ADGRV1: variants seen among roughly 807,000 people sequenced by gnomAD.
ADGRV1 encodes G-protein coupled receptor 98.
ADGRV1 carries 359 observed loss-of-function variants against 596.2 expected under a neutral mutation model. That is an observed-to-expected ratio of 0.60 (90% CI 0.55 to 0.66). The LOEUF is 0.66. ADGRV1 is among the 30% of genes least tolerant of loss of function. ADGRV1 has a pLI of 0.00. For synonymous variants in ADGRV1, 2,681 were observed against 2,679.2 expected (o/e 1.00, Z -0.02); for missense variants, 7,274 against 7,575.6 (o/e 0.96, Z 1.48).
intron 78 of ADGRV1, among the ~76,000 whole-genome samples, chr5:90,841,192 T>G (rs775761987): frequency 5.9e-5 from 9 of 152,186 alleles, no homozygotes; most frequent in Admixed American, 6.5e-5. Flanking sequence ...AATCTCAGTC[T>G]TAGGCTTGGA....
At chr5:90,699,725 CACA>C (rs1304773819) in intron 34 of ADGRV1, among the ~76,000 whole-genome samples, 1 of 152,068 alleles carries the variant, frequency 6.6e-6, no homozygotes, top group African/African-American at 2.4e-5. Context: ...TGCTGGGTAC[CACA>C]ACATCTTGGA....
intron 4 of ADGRV1, among the ~76,000 whole-genome samples, 155 bp from the exon 5 acceptor site, chr5:90,622,442 C>T (rs1561401236): frequency 6.6e-6 from 1 of 152,158 alleles, no homozygotes; most frequent in Admixed American, 6.5e-5. Flanking sequence ...CATTTTAAAG[C>T]TATAGTTCAT....
chr5:90,854,888 C>T (rs1766876957), intron 81 of ADGRV1, among the ~76,000 whole-genome samples: 1 of 152,144 alleles, frequency 6.6e-6, no homozygotes, highest in Non-Finnish European at 1.5e-5. Context: ...AACCAACTTT[C>T]CTCAAAAACA....
chr5:90,657,774 C>T (rs1393061833), intron 20 of ADGRV1, 131 bp from the exon 21 acceptor site: 8 of 778,680 alleles, frequency 1.0e-5, no homozygotes, highest in Non-Finnish European at 1.6e-5. Flanking sequence ...TCATTGTATA[C>T]TAGTTATGCA....
intron 87 of ADGRV1, among the ~76,000 whole-genome samples, chr5:91,117,156 C>T (rs1384132332): frequency 1.3e-5 from 2 of 152,074 alleles, no homozygotes; most frequent in African/African-American, 4.8e-5. Flanking sequence ...GAGTATTCCT[C>T]ATAGCACAAT....
At chr5:90,791,956 A>G (rs1330417851) in intron 70 of ADGRV1, 1 of 152,362 alleles carries the variant, frequency 6.6e-6, no homozygotes, top group African/African-American at 2.4e-5. Flanking sequence ...AACCACAGAA[A>G]GTGATTGAGT....
At chr5:91,018,520 G>A (rs997801257) in intron 85 of ADGRV1, among the ~76,000 whole-genome samples, 6 of 151,958 alleles carry the variant, frequency 3.9e-5, no homozygotes, top group Non-Finnish European at 5.9e-5. Flanking sequence ...GTTCTTAGGT[G>A]TGAAAGGCAA....
chr5:90,561,191 A>C (rs1409738323), intron 1 of ADGRV1, among the ~76,000 whole-genome samples: 1 of 152,100 alleles, frequency 6.6e-6, no homozygotes, highest in African/African-American at 2.4e-5. Flanking sequence ...AGGACCCACA[A>C]AAAAATACTT....
chr5:91,039,039 A>C (rs1387231895), intron 85 of ADGRV1, among the ~76,000 whole-genome samples: 9 of 152,210 alleles, frequency 5.9e-5, no homozygotes. Flanking sequence ...AGATATTCTG[A>C]ATATATAGTT....
rs940362895 is a variant in ADGRV1 at position 90,644,881 on chromosome 5, A to G, written c.2898+12A>G. The G allele has an allele frequency of 5.9e-6, 9 of 1,537,654 alleles. No homozygotes were observed. The highest frequency in any genetic ancestry group is 7.9e-6 in the Non-Finnish European group (9 of 1,140,920). On this transcript the variant is annotated intron_variant, in intron 15 of 89. Transcript: ENST00000405460. ...CCCTTCCAGATGAGGTAAATATTGC[A>G]TATAACTTTCTGCCTTACTTGTTGT... is the stretch of plus-strand genomic sequence containing the variant.
At chr5:90,804,229 CT>C (rs1042009815) in intron 71 of ADGRV1, among the ~76,000 whole-genome samples, 12 of 152,182 alleles carry the variant, frequency 7.9e-5, no homozygotes, top group Admixed American at 7.9e-4. Context: ...GTGATAAAAC[CT>C]TGTGTCTACT....
chr5:90,728,447 G>T (rs960377455), intron 48 of ADGRV1, among the ~76,000 whole-genome samples: 3 of 152,112 alleles, frequency 2.0e-5, no homozygotes, highest in African/African-American at 7.2e-5. Flanking sequence ...CTGTGTGTGT[G>T]TATGTGTACT....
chr5:90,569,377 ATATATATATATTTTTTTTTTTTTT>A (rs1476129012), intron 1 of ADGRV1, among the ~76,000 whole-genome samples: 7 of 21,728 alleles, frequency 3.2e-4, no homozygotes, highest in African/African-American at 1.8e-3. Flanking sequence ...ATATATATAT[ATATATATATATTTTTTTTTTTTTT>A]TTTTTTTTTT....
chr5:91,064,915 G>A (rs981868949), intron 85 of ADGRV1, among the ~76,000 whole-genome samples: 2 of 152,096 alleles, frequency 1.3e-5, no homozygotes, highest in African/African-American at 2.4e-5. Context: ...ATTCACAGGC[G>A]AATAAAAATG....
chr5:91,142,542 A>G (rs1024555191), intron 87 of ADGRV1, among the ~76,000 whole-genome samples: 1 of 152,198 alleles, frequency 6.6e-6, no homozygotes, highest in African/African-American at 2.4e-5. Context: ...AAAGGTCTCA[A>G]AAGAGTGTAA....
intron 83 of ADGRV1, among the ~76,000 whole-genome samples, chr5:90,914,689 C>A (rs145673072): frequency 1.6e-4 from 24 of 152,228 alleles, no homozygotes; most frequent in African/African-American, 5.8e-4. Flanking sequence ...GCTGCTAGAT[C>A]CTTTCCATTA....
chr5:91,142,770 G>T (rs1187834286), intron 87 of ADGRV1, among the ~76,000 whole-genome samples: 2 of 152,316 alleles, frequency 1.3e-5, no homozygotes, highest in South Asian at 2.1e-4. Context: ...TTTCATTTGT[G>T]TCTCACTGAA....
At position 90,694,131 on chromosome 5, in the gene ADGRV1, G is replaced by A. The variant is rs1349171741; in HGVS notation, c.7375G>A (p.Glu2459Lys). The part of the protein sequence containing the change: ...CSAFSFFSAS[E>K]GPQCFWMTSW... ...AGCGTTTTCATTTTTCAGTGCTTCT[G>A]AGGGTCCCCAGTGTTTCTGGATGAC... is the stretch of plus-strand genomic sequence containing the variant. Residue 2459 changes from glutamate (E) to lysine (K), a missense_variant, in exon 33 of 90, where the codon GAG becomes AAG. By Grantham distance (56) the Glu-to-Lys change is moderately conservative. Around this residue, in one of 5 missense-constraint regions of ADGRV1, gnomAD observed 3,643 missense variants for 3,809.2 expected, o/e 0.96. Transcript: ENST00000405460. The A allele has an allele frequency of 1.2e-6, 2 of 1,613,748 alleles. No homozygotes were observed. Among genetic ancestry groups the A allele is most frequent in the Non-Finnish European group, 1.7e-6 (2 of 1,179,808 alleles).
At chr5:90,776,714 AGAG>A in intron 61 of ADGRV1, 138 bp downstream of exon 61, 1 of 922,522 alleles carries the variant, frequency 1.1e-6, no homozygotes, top group Non-Finnish European at 1.6e-6. Flanking sequence ...CATCCTGTGG[AGAG>A]GAGAACAAAT....
Sources: allele counts gnomAD v4.1 joint callset (sites outside exome capture counted in the v4.1 genomes callset), GRCh38; gene constraint gnomAD v4.1.1; regional missense constraint gnomAD v4.1.1; transcripts MANE v1.5; gene names NCBI Gene and HGNC (gene_info 2026-07-23, HGNC 2026-07-21).